The following DOK5 variants were observed in gnomAD, a reference collection of about 807,000 sequenced individuals.
DOK5 encodes the protein docking protein 5.
Under a neutral mutation model 43.3 loss-of-function variants are expected in DOK5, and 27 were observed. The observed-to-expected ratio is 0.62, with a 90% CI of 0.46 to 0.86. DOK5 has a LOEUF of 0.86. DOK5 is among the 40% of genes least tolerant of loss of function. DOK5 has a pLI of 0.00. For synonymous variants in DOK5, 146 were observed against 140.1 expected, an observed-to-expected ratio of 1.04 and a Z score of -0.30; for missense variants, 373 against 392.9, an observed-to-expected ratio of 0.95 and a Z score of 0.43.
chr20:54,483,190 G>C (rs527562602), intron 1 of DOK5, among the ~76,000 whole-genome samples: 2 of 152,236 alleles, frequency 1.3e-5, no homozygotes, highest in South Asian at 4.1e-4. Flanking sequence ...TTTGTATATA[G>C]ACATAAACCA....
At chr20:54,608,834 T>C (rs1460404728) in intron 5 of DOK5, among the ~76,000 whole-genome samples, 2 of 151,912 alleles carry the variant, frequency 1.3e-5, no homozygotes, top group African/African-American at 4.8e-5. Context: ...ACACCATGCC[T>C]GGCTAAGTTT....
rs372719840 is a variant in DOK5 at position 54,482,793 on chromosome 20, G to A, written c.66+6781G>A. ...ATTACAGGCGTGAGCCACCGTGCCC[G>A]GCCTCATCATATGCTATTGTTATTT... On this transcript the variant is annotated intron_variant, in intron 1 of 7. Transcript: ENST00000262593. Among the ~76,000 whole-genome samples the A allele has an allele frequency of 5.3e-5, 8 of 152,190 alleles. No homozygotes were observed. The South Asian group carries it at 1.0e-3, about 20-fold the overall frequency.
chr20:54,583,561 C>T (rs910115368), intron 2 of DOK5, among the ~76,000 whole-genome samples: 2 of 152,086 alleles, frequency 1.3e-5, no homozygotes, highest in Admixed American at 1.3e-4. Context: ...TATTTGGTTG[C>T]TCTGGTATGG....
intron 1 of DOK5, among the ~76,000 whole-genome samples, chr20:54,522,522 CTTT>C (rs112690376): frequency 2.9e-5 from 4 of 140,182 alleles, no homozygotes; most frequent in African/African-American, 2.6e-5. Flanking sequence ...TTCTTTCTTT[CTTT>C]TTTTTTTTTT....
intron 1 of DOK5, among the ~76,000 whole-genome samples, chr20:54,538,270 A>G (rs776526896): frequency 1.3e-5 from 2 of 152,108 alleles, no homozygotes; most frequent in Non-Finnish European, 2.9e-5. Flanking sequence ...AGGACCTAAT[A>G]AACTCAATGA....
rs543953609 is a variant in DOK5 at position 54,523,893 on chromosome 20, G to A, written c.67-31040G>A. Among the ~76,000 whole-genome samples, 20 of 152,208 alleles carry A rather than the reference G, an allele frequency of 1.3e-4. No homozygotes were observed. The East Asian group carries it at 2.7e-3, about 21-fold the overall frequency. ...GCTGGGATTACAGACATGAGCCACC[G>A]CGCCCAGCCAAAGAAATGTATTTAA... On this transcript the variant is annotated intron_variant, in intron 1 of 7. Transcript: ENST00000262593.
At chr20:54,638,184 G>C (rs925072262) in intron 6 of DOK5, among the ~76,000 whole-genome samples, 1 of 151,692 alleles carries the variant, frequency 6.6e-6, no homozygotes, top group African/African-American at 2.4e-5. Context: ...CAGAAGGAAG[G>C]CTAGGTTAGT....
intron 1 of DOK5, among the ~76,000 whole-genome samples, chr20:54,494,483 C>T (rs975061115): frequency 1.3e-5 from 2 of 152,112 alleles, no homozygotes; most frequent in Non-Finnish European, 2.9e-5. Flanking sequence ...TGAAGCATTC[C>T]TTCTACCAGC....
Position 54,475,877 on chromosome 20 carries a change from C to G in DOK5, c.-70C>G. ...CCACCGACTGCTTGTCTTGACCCTG[C>G]CCTCCACCCTCCCCAGAGCCACTTC... On this transcript the variant is annotated 5_prime_UTR_variant, in exon 1 of 8. Transcript: ENST00000262593. The surrounding 1 kb of genome is among the most constrained non-coding windows in gnomAD (Gnocchi z 4.2). The G allele has an allele frequency of 6.3e-7, 1 of 1,583,198 alleles. No homozygotes were observed. The highest frequency in any genetic ancestry group is 1.1e-5 in the South Asian group (1 of 87,786).
intron 1 of DOK5, among the ~76,000 whole-genome samples, chr20:54,553,320 C>A (rs1027976723): frequency 5.9e-5 from 9 of 152,162 alleles, no homozygotes; most frequent in Admixed American, 5.2e-4. Flanking sequence ...CTCAGCCTCC[C>A]AAGTAGCTGG....
intron 2 of DOK5, among the ~76,000 whole-genome samples, chr20:54,561,073 T>C (rs1984887865): frequency 1.3e-5 from 2 of 152,198 alleles, no homozygotes; most frequent in South Asian, 2.1e-4. Context: ...CATGCAGCAC[T>C]CCCGCTGTAT....
intron 6 of DOK5, among the ~76,000 whole-genome samples, chr20:54,619,726 A>T (rs573873042): frequency 6.6e-6 from 1 of 152,294 alleles, no homozygotes; most frequent in African/African-American, 2.4e-5. Flanking sequence ...GGATTTGCAA[A>T]TACAATTTGC....
rs1380883031 is a variant in DOK5, at chr20:54,601,714, A to T, written c.600-8674A>T. 5.3e-5 allele frequency among the ~76,000 whole-genome samples: 8 copies of T among 152,334 alleles called. No homozygotes were observed. In the East Asian group the frequency reaches 1.5e-3, roughly 29 times the overall value. ...GGAGGGCCACAGTGTGGCCCTGCAC[A>T]GTCTGCACTGGGGCCTTTCTCTTCA... On this transcript the variant is annotated intron_variant, in intron 5 of 7. Coordinates refer to ENST00000262593, the MANE Select transcript of DOK5 (RefSeq NM_018431.5).
chr20:54,612,139 A>C (rs992121761), intron 6 of DOK5, among the ~76,000 whole-genome samples: 4 of 152,198 alleles, frequency 2.6e-5, no homozygotes, highest in Admixed American at 2.6e-4. Flanking sequence ...ATTTTCTCTC[A>C]ACCATTAAAA....
At chr20:54,560,712 C>G (rs1416942605) in intron 2 of DOK5, among the ~76,000 whole-genome samples, 3 of 152,180 alleles carry the variant, frequency 2.0e-5, no homozygotes, top group African/African-American at 7.2e-5. Context: ...CCTCTGTCTC[C>G]TGGGTCCAAG....
chr20:54,626,505 T>TATAG (rs1382962979), intron 6 of DOK5, among the ~76,000 whole-genome samples: 3 of 152,256 alleles, frequency 2.0e-5, no homozygotes, highest in Admixed American at 2.0e-4. Context: ...ATTATGGTCA[T>TATAG]ATAGATGATG....
chr20:54,590,432 G>C (rs1356027739), intron 4 of DOK5, among the ~76,000 whole-genome samples: 32 of 151,960 alleles, frequency 2.1e-4, no homozygotes, highest in Admixed American at 2.1e-3. Context: ...GTAGGACTCA[G>C]AGAACTTCTA....
intron 5 of DOK5, among the ~76,000 whole-genome samples, chr20:54,601,501 A>G (rs1986296673): frequency 6.6e-6 from 1 of 152,266 alleles, no homozygotes; most frequent in South Asian, 2.1e-4. Flanking sequence ...CTGTTATACT[A>G]GCTTTGTTCT....
At chr20:54,617,648 A>G (rs1168649153) in intron 6 of DOK5, among the ~76,000 whole-genome samples, 2 of 152,206 alleles carry the variant, frequency 1.3e-5, no homozygotes, top group African/African-American at 2.4e-5. Context: ...AAAGCAAATC[A>G]TAAGCCCTGT....
Sources: allele counts gnomAD v4.1 joint callset (sites outside exome capture counted in the v4.1 genomes callset), GRCh38; gene constraint gnomAD v4.1.1; non-coding constraint Gnocchi (gnomAD v3.1); transcripts MANE v1.5; gene names NCBI Gene and HGNC (gene_info 2026-07-23, HGNC 2026-07-21).